Variants in DDHD1 observed in about 807,000 individuals in gnomAD.
DDHD1 encodes DDHD domain containing 1, also known as phospholipase DDHD1.
In DDHD1, 49 loss-of-function variants were observed where a neutral mutation model predicts 96.4. That is an observed-to-expected ratio of 0.51 (90% CI 0.40 to 0.64). The LOEUF (loss-of-function observed/expected upper bound fraction) is 0.64, where lower values mean the gene tolerates loss of function less well. Ranked by LOEUF, DDHD1 falls within the 30% of genes least tolerant of loss-of-function variation. The pLI is 0.00. For synonymous variants in DDHD1, 442 were observed against 446.5 expected, an observed-to-expected ratio of 0.99 and a Z score of 0.13; for missense variants, 1,106 against 1,161.2, an observed-to-expected ratio of 0.95 and a Z score of 0.69.
At chr14:53,083,299 T>G (rs1351025670) in intron 4 of DDHD1, among the ~76,000 whole-genome samples, 1 of 152,202 alleles carries the variant, frequency 6.6e-6, no homozygotes, top group Non-Finnish European at 1.5e-5. Flanking sequence ...CTTTATAGTC[T>G]TCTAAGATTA....
Position 53,152,431 on chromosome 14 carries a change from G to A in DDHD1, c.668C>T (p.Ser223Phe). Residue 223 changes from serine to phenylalanine, a missense_variant, in exon 1 of 13, where the codon TCC (serine) becomes TTC (phenylalanine). Ser to Phe is a radical substitution (Grantham distance 155). This residue lies in a region of DDHD1 where 456 missense variants were observed against 402.4 expected (regional missense o/e 1.13). Transcript: ENST00000673822. ...DHVCSPTGPA[S>F]SSGEDDDEDR... ...CTCATCGTCATCTTCTCCGGAACTG[G>A]AGGCTGGGCCCGTGGGGGAGCACAC... 1 of 1,613,722 alleles carries A rather than the reference G, an allele frequency of 6.2e-7. No homozygotes were observed. The highest frequency in any genetic ancestry group is 8.5e-7 in the Non-Finnish European group (1 of 1,179,944).
intron 2 of DDHD1, among the ~76,000 whole-genome samples, chr14:53,102,352 TG>T (rs1312867900): frequency 6.6e-6 from 1 of 152,040 alleles, no homozygotes; most frequent in Non-Finnish European, 1.5e-5. Flanking sequence ...GCTCTTACAC[TG>T]GGCTGCTCCT....
chr14:53,087,838 AC>A (rs766455794), intron 4 of DDHD1, among the ~76,000 whole-genome samples: 1 of 152,228 alleles, frequency 6.6e-6, no homozygotes, highest in Non-Finnish European at 1.5e-5. Context: ...AAATAGCGAC[AC>A]AAAAAACCCT....
chr14:53,133,077 C>T (rs1889990718), intron 1 of DDHD1, among the ~76,000 whole-genome samples: 1 of 152,226 alleles, frequency 6.6e-6, no homozygotes, highest in African/African-American at 2.4e-5. Flanking sequence ...GCTAGCCCAT[C>T]TCTTAGAACC....
intron 4 of DDHD1, among the ~76,000 whole-genome samples, chr14:53,088,266 C>T (rs897175780): frequency 9.2e-5 from 14 of 152,216 alleles, no homozygotes; most frequent in Admixed American, 3.3e-4. Flanking sequence ...GCCATTCCTT[C>T]TGAAACCATT....
chr14:53,083,183 T>C (rs1885643056), intron 4 of DDHD1, among the ~76,000 whole-genome samples: 2 of 152,162 alleles, frequency 1.3e-5, no homozygotes. Flanking sequence ...TACGGGTTTA[T>C]GCCTTTTTGC....
intron 2 of DDHD1, among the ~76,000 whole-genome samples, chr14:53,095,763 T>C (rs912604805): frequency 2.6e-5 from 4 of 152,206 alleles, no homozygotes; most frequent in Admixed American, 2.0e-4. Flanking sequence ...CAAGCTCTTA[T>C]ATGTTTCTAA....
intron 1 of DDHD1, among the ~76,000 whole-genome samples, chr14:53,134,968 C>T (rs1399334195): frequency 6.6e-6 from 1 of 152,148 alleles, no homozygotes; most frequent in Non-Finnish European, 1.5e-5. Flanking sequence ...TTAATCTCTC[C>T]CACTATAGGT....
chr14:53,113,951 A>C (rs960148689), intron 1 of DDHD1, among the ~76,000 whole-genome samples: 1 of 152,224 alleles, frequency 6.6e-6, no homozygotes. Flanking sequence ...CATGGAGCCC[A>C]GCAAGCTAAG....
chr14:53,135,033 T>G (rs1433413246), intron 1 of DDHD1, among the ~76,000 whole-genome samples: 2 of 152,006 alleles, frequency 1.3e-5, no homozygotes, highest in Non-Finnish European at 2.9e-5. Context: ...TTGCCCATGA[T>G]CTCTCCATAC....
intron 1 of DDHD1, among the ~76,000 whole-genome samples, chr14:53,111,737 G>A (rs1434734482): frequency 6.6e-6 from 1 of 151,838 alleles, no homozygotes; most frequent in East Asian, 1.9e-4. Context: ...TACAGAACTA[G>A]AGTTGAACAG....
chr14:53,138,501 G>C (rs1281018851), intron 1 of DDHD1, among the ~76,000 whole-genome samples: 1 of 152,192 alleles, frequency 6.6e-6, no homozygotes, highest in Non-Finnish European at 1.5e-5. Flanking sequence ...ATAACAAATA[G>C]TAATGAAATG....
At position 53,068,042 on chromosome 14, in the gene DDHD1, A is replaced by C. The variant is rs138082963; in HGVS notation, c.1503+4555T>G. On this transcript the variant is annotated intron_variant, in intron 6 of 12. Transcript: ENST00000673822. ...TTCTATAATCATAGTAATCAACTTT[A>C]TAAATTTATTTTGATATAATATTTC... 5.9e-5 allele frequency among the ~76,000 whole-genome samples: 9 copies of C among 152,230 alleles called. No homozygotes were observed. The East Asian group carries it at 1.7e-3, about 29-fold the overall frequency.
Position 53,113,164 on chromosome 14 carries a change from G to A in DDHD1, c.839-9308C>T, listed in dbSNP as rs137914672. ...TTTTTTTTAGTAGTTTCAGGGTTTCGCTATGATAGCCAGGCTGGTCTCAAA... is the reference window on the plus strand; with the variant it reads ...TTTTTTTTAGTAGTTTCAGGGTTTCACTATGATAGCCAGGCTGGTCTCAAA... On this transcript the variant is annotated intron_variant, in intron 1 of 12. Coordinates refer to ENST00000673822, the MANE Select transcript of DDHD1 (RefSeq NM_001160148.2). 1.9e-3 allele frequency among the ~76,000 whole-genome samples: 284 copies of A among 151,014 alleles called. 2 individuals carry two copies. Among genetic ancestry groups the A allele is most frequent in the African/African-American group, 6.5e-3 (266 of 41,128 alleles).
chr14:53,106,318 A>C (rs1887684183), intron 1 of DDHD1, among the ~76,000 whole-genome samples: 1 of 152,070 alleles, frequency 6.6e-6, no homozygotes, highest in African/African-American at 2.4e-5. Flanking sequence ...CTTGTGCTTT[A>C]TTTCTTTGAG....
At chr14:53,101,293 A>G (rs1377992678) in intron 2 of DDHD1, among the ~76,000 whole-genome samples, 1 of 152,110 alleles carries the variant, frequency 6.6e-6, no homozygotes, top group Non-Finnish European at 1.5e-5. Context: ...TTATTTTCAA[A>G]TGTACTACAC....
chr14:53,077,113 T>G (rs1356005766), intron 4 of DDHD1, among the ~76,000 whole-genome samples: 1 of 151,230 alleles, frequency 6.6e-6, no homozygotes, highest in Non-Finnish European at 1.5e-5. Flanking sequence ...ATGGTGTTGT[T>G]TAACATGTTC....
chr14:53,127,031 G>A (rs1889497956), intron 1 of DDHD1, among the ~76,000 whole-genome samples: 1 of 152,162 alleles, frequency 6.6e-6, no homozygotes, highest in South Asian at 2.1e-4. Flanking sequence ...AAAGATTTGT[G>A]TAGTCAAAAT....
intron 8 of DDHD1, among the ~76,000 whole-genome samples, chr14:53,060,421 C>T (rs1246567295): frequency 6.6e-6 from 1 of 152,192 alleles, no homozygotes; most frequent in Non-Finnish European, 1.5e-5. Flanking sequence ...CCTGCTCTCT[C>T]ACTGCCTCCT....
Sources: allele counts gnomAD v4.1 joint callset (sites outside exome capture counted in the v4.1 genomes callset), GRCh38; gene constraint gnomAD v4.1.1; regional missense constraint gnomAD v4.1.1; transcripts MANE v1.5; gene names NCBI Gene and HGNC (gene_info 2026-07-23, HGNC 2026-07-21).